Variants in VKORC1 observed in about 807,000 individuals in gnomAD.
VKORC1 encodes vitamin K epoxide reductase complex subunit 1.
VKORC1 carries 12 observed loss-of-function variants against 14.8 expected under a neutral mutation model. That is an observed-to-expected ratio of 0.81 (90% CI 0.52 to 1.31). The LOEUF is 1.31. VKORC1 is among the 50% of genes most tolerant of loss of function. The pLI is 0.00. For missense variants in VKORC1, 223 were observed against 215.3 expected (o/e 1.04, Z -0.22); for synonymous variants, 94 against 92.5 (o/e 1.02, Z -0.09).
At chr16:31,094,364 G>A in intron 1 of VKORC1, 193 bp downstream of exon 1, 2 of 1,612,928 alleles carry the variant, frequency 1.2e-6, no homozygotes, top group Non-Finnish European at 1.7e-6. Context: ...CCCCAGCACT[G>A]TCTGGTCCCT....
Position 31,091,274 on chromosome 16 carries a change from C to A in VKORC1, c.352G>T (p.Val118Phe), listed in dbSNP as rs753570105. 2 of 1,614,052 alleles carry A rather than the reference C, an allele frequency of 1.2e-6. No individual in the cohort carries two copies. The highest frequency in any genetic ancestry group is 1.3e-5 in the African/African-American group (1 of 74,934). The change falls in exon 3 of 3, where the codon GTC becomes TTC. Residue 118 changes from valine to phenylalanine, a missense_variant. Transcript: ENST00000394975. ...AAGAACAGGATCCAGGCCAGGTAGA[C>A]AGAACCAGCGAGAGACACCAGGGAG... ...LSSLVSLAGS[V>F]YLAWILFFVL...
intron 2 of VKORC1, among the ~76,000 whole-genome samples, chr16:31,092,417 G>A (rs2057296046): frequency 6.6e-6 from 1 of 151,974 alleles, no homozygotes; most frequent in African/African-American, 2.4e-5. Flanking sequence ...GGAAAGTTCT[G>A]AGCAATAAAA....
intron 2 of VKORC1, among the ~76,000 whole-genome samples, 156 bp downstream of exon 2, chr16:31,093,156 T>C (rs529280891): frequency 6.6e-6 from 1 of 152,042 alleles, no homozygotes; most frequent in East Asian, 1.9e-4. Context: ...TCCTGTTAGT[T>C]ACCTCCCCAC....
At position 31,094,518 on chromosome 16, in the gene VKORC1, C is replaced by T. The variant is rs767141605; in HGVS notation, c.173+39G>A. On this transcript the variant is annotated intron_variant, in intron 1 of 2. Transcript: ENST00000394975. ...AATAATCATCTGGCATCCTGGCCGC[C>T]CTGCTCCGAGGCCCCACGCCTCCCA... The T allele has an allele frequency of 1.7e-5, 28 of 1,612,636 alleles. No individual in the cohort carries two copies. The East Asian group carries it at 5.6e-4, about 32-fold the overall frequency.
chr16:31,093,177 G>A (rs1480611090), intron 2 of VKORC1, 135 bp downstream of exon 2: 3 of 933,410 alleles, frequency 3.2e-6, no homozygotes, highest in African/African-American at 3.2e-5. Flanking sequence ...ATCCCCACCC[G>A]CAGGACGCTC....
chr16:31,094,328 G>A (rs764062913), intron 1 of VKORC1: 38 of 1,612,826 alleles, frequency 2.4e-5, no homozygotes, highest in Non-Finnish European at 2.7e-5. Flanking sequence ...TCCAATTCAC[G>A]TGCGAGTCCC....
intron 1 of VKORC1, 176 bp downstream of exon 1, chr16:31,094,381 G>T: frequency 6.2e-7 from 1 of 1,612,876 alleles, no homozygotes; most frequent in Non-Finnish European, 8.5e-7. Flanking sequence ...CCCTTGCCTC[G>T]CACTCTTATT....
rs759258204 is a variant in VKORC1 at position 31,094,666 on chromosome 16, G to A, written c.64C>T (p.Leu22Phe). The A allele has an allele frequency of 1.9e-6, 3 of 1,607,862 alleles. No individual in the cohort carries two copies. Among genetic ancestry groups the A allele is most frequent in the Non-Finnish European group, 2.5e-6 (3 of 1,178,712 alleles). Residue 22 changes from leucine to phenylalanine, a missense_variant, in exon 1 of 3, where the codon CTC becomes TTC. Physicochemically the swap from Leu to Phe is conservative, Grantham distance 22. Coordinates refer to ENST00000394975, the MANE Select transcript of VKORC1 (RefSeq NM_024006.6). ...TTCACGTGCAGCGCGTAGAGCGAGA[G>A]CACTAAGCCCGTCAGGCAAAGAGCG... ...RLALCLTGLV[L>F]SLYALHVKAA...
intron 2 of VKORC1, among the ~76,000 whole-genome samples, chr16:31,091,790 G>A (rs777041918): frequency 6.6e-6 from 1 of 152,200 alleles, no homozygotes; most frequent in Non-Finnish European, 1.5e-5. Flanking sequence ...GGGAGGCTAA[G>A]GTGGAGAATC....
intron 2 of VKORC1, 136 bp downstream of exon 2, chr16:31,093,176 C>A (rs1169894436): frequency 5.4e-6 from 5 of 929,470 alleles, no homozygotes; most frequent in Non-Finnish European, 6.6e-6. Context: ...CATCCCCACC[C>A]GCAGGACGCT....
intron 2 of VKORC1, 132 bp from the exon 3 acceptor site, chr16:31,091,474 G>C: frequency 6.6e-7 from 1 of 1,513,812 alleles, no homozygotes; most frequent in Non-Finnish European, 8.9e-7. Flanking sequence ...CTCCAGGGCA[G>C]ATGTGGTGGC....
chr16:31,092,150 C>A (rs1169608887), intron 2 of VKORC1, among the ~76,000 whole-genome samples: 2 of 140,568 alleles, frequency 1.4e-5, no homozygotes, highest in African/African-American at 5.4e-5. Flanking sequence ...TGCACTCCAG[C>A]CTGGTGACAG....
chr16:31,091,154 C>T lies in VKORC1; in HGVS notation c.472G>A (p.Gly158Ser). 1.2e-6 allele frequency: 2 copies of T among 1,613,838 alleles called. No homozygotes were observed. Among genetic ancestry groups the T allele is most frequent in the Admixed American group, 1.7e-5 (1 of 59,998 alleles). ...AGGGCTCAGTGCCTCTTAGCCTTGC[C>T]CTGGGGTTCTTGGACCTTCCGGAAA... Reference protein sequence around the residue: ...LSFRKVQEPQGKAKRH With the variant: ...LSFRKVQEPQSKAKRH The change falls in exon 3 of 3, where the codon GGC becomes AGC. Residue 158 changes from glycine to serine, a missense_variant. By Grantham distance (56) the Gly-to-Ser change is moderately conservative. Transcript: ENST00000394975.
At chr16:31,093,196 G>C in intron 2 of VKORC1, 116 bp downstream of exon 2, 2 of 1,103,800 alleles carry the variant, frequency 1.8e-6, no homozygotes, top group South Asian at 1.4e-5. Flanking sequence ...TCCGTGATGA[G>C]CAGCTAGCTG....
chr16:31,094,223 A>AC (rs774801918), intron 1 of VKORC1: 10 of 1,600,464 alleles, frequency 6.2e-6, no homozygotes, highest in Middle Eastern at 1.7e-4. Context: ...CATCGCCAAC[A>AC]CCCCCCTTCA....
chr16:31,090,890 C>T lies in VKORC1; in HGVS notation c.*244G>A. ...AGAAACTTTATTGCTCAGAACCTTC[C>T]CTCCCTGGGCAATGGAAAGAGCTTT... On this transcript the variant is annotated 3_prime_UTR_variant, in exon 3 of 3. Transcript: ENST00000394975. 1 of 591,576 alleles carries T rather than the reference C, an allele frequency of 1.7e-6. No homozygotes were observed. Among genetic ancestry groups the T allele is most frequent in the East Asian group, 3.0e-5 (1 of 32,890 alleles). The allele number at this position is 591,576 out of a possible 1,614,324, so 36.6% of individuals were successfully genotyped here.
At chr16:31,093,276 G>A (rs746973746) in intron 2 of VKORC1, 36 bp downstream of exon 2, 1 of 1,591,572 alleles carries the variant, frequency 6.3e-7, no homozygotes, top group Non-Finnish European at 8.5e-7. Context: ...ATGAGGGGCG[G>A]GGCGGGGCGG....
chr16:31,093,346 G>C lies in VKORC1; in HGVS notation c.249C>G (p.Phe83Leu), dbSNP rs754924004. 6.2e-7 allele frequency: 1 copy of C among 1,613,958 alleles called. No individual in the cohort carries two copies. The highest frequency in any genetic ancestry group is 1.3e-5 in the African/African-American group (1 of 74,896). Residue 83 changes from phenylalanine to leucine, a missense_variant, in exon 2 of 3, where the codon TTC (phenylalanine) becomes TTG (leucine). Transcript: ENST00000394975. ...DSILNQSNSI[F>L]GCIFYTLQLL... ...GCTGTAGTGTGTAGAAGATGCAACC[G>C]AATATGCTGTTGGATTGATTGAGGA...
Position 31,094,638 on chromosome 16 carries a change from G to C in VKORC1, c.92C>G (p.Ala31Gly). ...GTAATCCCGGTCCCGGGCGCGCGCC[G>C]CCTTCACGTGCAGCGCGTAGAGCGA... is the stretch of plus-strand genomic sequence containing the variant. Reference protein sequence around the residue: ...VLSLYALHVKAARARDRDYRA... With the variant: ...VLSLYALHVKGARARDRDYRA... Residue 31 changes from alanine (A) to glycine (G), a missense_variant, in exon 1 of 3, where the codon GCG becomes GGG. By Grantham distance (60) the Ala-to-Gly change is moderately conservative (BLOSUM62 0). Transcript: ENST00000394975. The C allele has an allele frequency of 6.2e-7, 1 of 1,606,162 alleles. No individual in the cohort carries two copies. The highest frequency in any genetic ancestry group is 8.5e-7 in the Non-Finnish European group (1 of 1,177,992).
Sources: gnomAD v4.1 joint callset for allele counts (sites outside exome capture counted in the v4.1 genomes callset) on GRCh38, gnomAD v4.1.1 for gene constraint, MANE v1.5 for transcripts, NCBI Gene and HGNC (gene_info 2026-07-23, HGNC 2026-07-21) for gene names.